ABCC5: variants seen among roughly 807,000 people sequenced by gnomAD.
ABCC5 encodes the protein ATP-binding cassette sub-family C member 5.
ABCC5 carries 61 observed loss-of-function variants against 160.9 expected under a neutral mutation model. The observed-to-expected ratio is 0.38, with a 90% CI of 0.31 to 0.47. ABCC5 has a LOEUF of 0.47. Ranked by LOEUF, ABCC5 falls within the 20% of genes least tolerant of loss-of-function variation. The pLI, the probability that ABCC5 is intolerant of heterozygous loss-of-function variation, is 0.99. For synonymous variants in ABCC5, 666 were observed against 700.6 expected (o/e 0.95, Z 0.78); for missense variants, 1,308 against 1,813.3 (o/e 0.72, Z 5.06).
At chr3:183,955,802 G>C (rs983773825) in intron 17 of ABCC5, among the ~76,000 whole-genome samples, 1 of 143,138 alleles carries the variant, frequency 7.0e-6, no homozygotes, top group Non-Finnish European at 1.5e-5. Flanking sequence ...GCAGATCCAT[G>C]TGTATATCAC....
chr3:183,972,928 G>A (rs1317133213), intron 10 of ABCC5, among the ~76,000 whole-genome samples: 1 of 152,126 alleles, frequency 6.6e-6, no homozygotes, highest in African/African-American at 2.4e-5. Context: ...TTACAGGCGT[G>A]AGCCACCGCA....
At chr3:183,925,334 C>G (rs1264970473) in intron 29 of ABCC5, among the ~76,000 whole-genome samples, 1 of 152,176 alleles carries the variant, frequency 6.6e-6, no homozygotes, top group African/African-American at 2.4e-5. Context: ...TCACAAGCAA[C>G]AAAAGGACAA....
In ABCC5 at chr3:183,977,524, C is replaced by T. The variant is rs1718327722; in HGVS notation, c.1397G>A (p.Arg466Lys). The change falls in exon 10 of 30, where the codon AGA (arginine) becomes AAA (lysine). Residue 466 changes from arginine to lysine, a missense_variant. Transcript: ENST00000334444. ...SLSEASVAVD[R>K]FKSLFLMEEV... Reference sequence around the variant, plus strand: ...GGGGAAGGAGCCACTTACCTTAAATCTGTCAACAGCCACTGAGGCTTCTGA... The same window carrying T: ...GGGGAAGGAGCCACTTACCTTAAATTTGTCAACAGCCACTGAGGCTTCTGA... 8.7e-6 allele frequency: 14 copies of T among 1,612,680 alleles called. No individual in the cohort carries two copies. Among genetic ancestry groups the T allele is most frequent in the Non-Finnish European group, 1.2e-5 (14 of 1,178,760 alleles).
intron 10 of ABCC5, among the ~76,000 whole-genome samples, chr3:183,976,330 C>CT (rs111592706): frequency 0.08 from 12,162 of 152,202 alleles, 1,639 homozygotes; most frequent in African/African-American, 0.28. Context: ...TCATAACTCA[C>CT]TGCAGGCTCG....
chr3:183,940,611 C>T (rs1171857370), intron 25 of ABCC5, among the ~76,000 whole-genome samples: 1 of 151,862 alleles, frequency 6.6e-6, no homozygotes, highest in Non-Finnish European at 1.5e-5. Flanking sequence ...AGGAATGGTG[C>T]CCGAAACAAT....
intron 22 of ABCC5, among the ~76,000 whole-genome samples, chr3:183,948,121 G>A (rs1015692218): frequency 2.0e-5 from 3 of 152,222 alleles, no homozygotes; most frequent in Non-Finnish European, 4.4e-5. Flanking sequence ...CCAGAGAGCA[G>A]ACCAGACCCC....
At chr3:183,943,015 A>G in intron 24 of ABCC5, 99 bp from the exon 25 acceptor site, 3 of 1,283,366 alleles carry the variant, frequency 2.3e-6, no homozygotes, top group East Asian at 2.4e-5. Context: ...CATAGTAGCC[A>G]CACAGAGGTA....
intron 14 of ABCC5, 59 bp downstream of exon 14, chr3:183,965,126 A>C (rs1577547391): frequency 8.9e-6 from 14 of 1,565,732 alleles, no homozygotes; most frequent in Non-Finnish European, 1.2e-5. Context: ...TCCCAGGAGC[A>C]GCTCTGGCCC....
chr3:183,928,782 A>G lies in ABCC5; in HGVS notation c.3898T>C (p.Trp1300Arg). Residue 1300 changes from tryptophan (W) to arginine (R), a missense_variant, in exon 27 of 30, where the codon TGG becomes CGG. Trp to Arg is a moderately radical substitution (Grantham distance 101). Transcript: ENST00000334444. Reference sequence around the variant, plus strand: ...ATGTGTGTCCTCTCCAGGGCATCCCAAATCTGGTCTTCAGTGTACTGGTTG... The same window carrying G: ...ATGTGTGTCCTCTCCAGGGCATCCCGAATCTGGTCTTCAGTGTACTGGTTG... ...PFNQYTEDQI[W>R]DALERTHMKE... is the part of the protein sequence containing the mutation. The G allele has an allele frequency of 6.2e-7, 1 of 1,614,090 alleles. No homozygotes were observed. Among genetic ancestry groups the G allele is most frequent in the Non-Finnish European group, 8.5e-7 (1 of 1,180,014 alleles).
intron 1 of ABCC5, among the ~76,000 whole-genome samples, chr3:184,015,345 C>G (rs180905235): frequency 2.5e-3 from 386 of 152,222 alleles, no homozygotes; most frequent in African/African-American, 9.2e-3. Context: ...AATGTTTCCC[C>G]CCTCTAAGAA....
chr3:183,966,342 C>G (rs1402593878), intron 12 of ABCC5, among the ~76,000 whole-genome samples: 3 of 152,216 alleles, frequency 2.0e-5, no homozygotes, highest in Non-Finnish European at 4.4e-5. Flanking sequence ...AGGGGGTCTA[C>G]TGTGGAAAGC....
chr3:183,921,090 A>G lies in ABCC5; in HGVS notation c.*210T>C, dbSNP rs1711924349. The G allele has an allele frequency of 2.3e-6, 1 of 435,140 alleles. No individual in the cohort carries two copies. Among genetic ancestry groups the G allele is most frequent in the Non-Finnish European group, 4.1e-6 (1 of 242,256 alleles). 27.0% of individuals were successfully genotyped at this position (435,140 alleles called of 1,614,324 possible). On this transcript the variant is annotated 3_prime_UTR_variant, in exon 30 of 30. Transcript: ENST00000334444. The surrounding 1 kb of genome is among the most constrained non-coding windows in gnomAD (Gnocchi z 4.1). ...TTTTAGAGTGCAATTAAGAACAAAA[A>G]CTAAATTTTGTTTACATGAATATGG... is the stretch of plus-strand genomic sequence containing the variant.
At chr3:183,995,217 T>C (rs965187369) in intron 2 of ABCC5, among the ~76,000 whole-genome samples, 2 of 152,144 alleles carry the variant, frequency 1.3e-5, no homozygotes, top group Non-Finnish European at 2.9e-5. Flanking sequence ...GATTTGCAAA[T>C]ATTTTCTCCC....
intron 12 of ABCC5, among the ~76,000 whole-genome samples, chr3:183,967,009 G>GTTT (rs112821645): frequency 7.0e-6 from 1 of 143,332 alleles, no homozygotes; most frequent in Non-Finnish European, 1.5e-5. Flanking sequence ...TGGGCACCTT[G>GTTT]TTTTTTTTTT....
intron 2 of ABCC5, among the ~76,000 whole-genome samples, chr3:184,006,878 G>C (rs971713232): frequency 1.3e-5 from 2 of 151,964 alleles, no homozygotes; most frequent in Non-Finnish European, 1.5e-5. Context: ...TACTTGCTTT[G>C]TTACCTTTCC....
At chr3:183,991,769 C>T (rs963663978) in intron 2 of ABCC5, among the ~76,000 whole-genome samples, 10 of 152,190 alleles carry the variant, frequency 6.6e-5, no homozygotes, top group African/African-American at 2.2e-4. Context: ...GGGACTACGG[C>T]ACTTGATAAT....
At chr3:183,964,633 T>C (rs1232904319) in intron 14 of ABCC5, among the ~76,000 whole-genome samples, 3 of 152,158 alleles carry the variant, frequency 2.0e-5, no homozygotes, top group Non-Finnish European at 2.9e-5. Flanking sequence ...CAAATCTGGT[T>C]TGAGGGATTT....
chr3:183,931,409 C>T (rs2108765604), intron 26 of ABCC5, among the ~76,000 whole-genome samples: 1 of 151,940 alleles, frequency 6.6e-6, no homozygotes, highest in South Asian at 2.1e-4. Flanking sequence ...TCACTGCAAC[C>T]CCTGCCCTGC....
chr3:184,001,207 C>A, intron 2 of ABCC5: 2 of 526,590 alleles, frequency 3.8e-6, no homozygotes, highest in South Asian at 3.0e-5. Context: ...GAGCCATGGT[C>A]ATGCCACCGC....
Sources: gnomAD v4.1 joint callset for allele counts (sites outside exome capture counted in the v4.1 genomes callset) on GRCh38, gnomAD v4.1.1 for gene constraint, Gnocchi (gnomAD v3.1) non-coding constraint, MANE v1.5 for transcripts, NCBI Gene and HGNC (gene_info 2026-07-23, HGNC 2026-07-21) for gene names.